Variants in ROBO2 observed in about 807,000 individuals in gnomAD.
ROBO2 encodes roundabout guidance receptor 2.
Under a neutral mutation model 160.8 loss-of-function variants are expected in ROBO2, and 53 were observed. That is an observed-to-expected ratio of 0.33 (90% CI 0.26 to 0.41). The LOEUF (loss-of-function observed/expected upper bound fraction) is 0.41. Among genes scored for constraint, ROBO2 ranks in the 10% least tolerant of loss-of-function variants. The pLI is 1.00. For synonymous variants in ROBO2, 664 were observed against 611.7 expected (o/e 1.09, Z -1.26); for missense variants, 1,577 against 1,722.4 (o/e 0.92, Z 1.49).
At chr3:77,244,468 G>T (rs1308174011) in intron 2 of ROBO2, among the ~76,000 whole-genome samples, 1 of 152,176 alleles carries the variant, frequency 6.6e-6, no homozygotes, top group South Asian at 2.1e-4. Context: ...AATATCATTG[G>T]GTGTGTAATG....
chr3:76,421,678 A>G (rs1455470722), intron 2 of ROBO2, among the ~76,000 whole-genome samples: 1 of 152,050 alleles, frequency 6.6e-6, no homozygotes, highest in African/African-American at 2.4e-5. Context: ...GTAAGCAGAG[A>G]TCGTGCCATT....
At chr3:76,643,965 T>C (rs1482399663) in intron 2 of ROBO2, among the ~76,000 whole-genome samples, 1 of 152,244 alleles carries the variant, frequency 6.6e-6, no homozygotes, top group Admixed American at 6.5e-5. Flanking sequence ...ATGAATTAGA[T>C]GTCCTACCAC....
At chr3:77,307,672 C>T (rs971142422) in intron 2 of ROBO2, among the ~76,000 whole-genome samples, 3 of 152,200 alleles carry the variant, frequency 2.0e-5, no homozygotes, top group Non-Finnish European at 4.4e-5. Context: ...CAATTGAGGT[C>T]AGGAGTTCAA....
intron 2 of ROBO2, among the ~76,000 whole-genome samples, chr3:75,937,875 G>A (rs1343461629): frequency 8.0e-5 from 6 of 75,074 alleles, no homozygotes; most frequent in African/African-American, 3.7e-4. Context: ...ATATATATAT[G>A]AGGTATTATG....
intron 2 of ROBO2, among the ~76,000 whole-genome samples, chr3:76,904,786 T>C (rs980673517): frequency 6.6e-6 from 1 of 152,170 alleles, no homozygotes; most frequent in Non-Finnish European, 1.5e-5. Context: ...GAACATCTTA[T>C]ATTTTGTATT....
At chr3:75,913,310 A>G (rs1436939899) in intron 1 of ROBO2, among the ~76,000 whole-genome samples, 1 of 152,174 alleles carries the variant, frequency 6.6e-6, no homozygotes, top group Non-Finnish European at 1.5e-5. Context: ...TCCTTAACTT[A>G]ATCATATCTA....
At chr3:76,330,332 A>T (rs1004081289) in intron 2 of ROBO2, among the ~76,000 whole-genome samples, 1 of 152,198 alleles carries the variant, frequency 6.6e-6, no homozygotes, top group African/African-American at 2.4e-5. Context: ...CTACATTATG[A>T]TATTTTTGGA....
At chr3:77,043,626 A>G (rs2064319197) in intron 1 of ROBO2, among the ~76,000 whole-genome samples, 1 of 152,172 alleles carries the variant, frequency 6.6e-6, no homozygotes, top group East Asian at 1.9e-4. Context: ...GTATGATCAT[A>G]TAGGAGAATG....
chr3:76,825,694 C>T (rs953851993), intron 2 of ROBO2, among the ~76,000 whole-genome samples: 2 of 148,048 alleles, frequency 1.4e-5, no homozygotes, highest in Admixed American at 6.8e-5. Context: ...GGATTTCCTG[C>T]GACCATCTCC....
chr3:76,107,795 T>C (rs1276272035), intron 2 of ROBO2, among the ~76,000 whole-genome samples: 1 of 152,246 alleles, frequency 6.6e-6, no homozygotes, highest in African/African-American at 2.4e-5. Flanking sequence ...GTTTCCTCTT[T>C]ATATTTTTCT....
intron 2 of ROBO2, among the ~76,000 whole-genome samples, chr3:76,598,196 C>A (rs1304373564): frequency 6.6e-6 from 1 of 151,126 alleles, no homozygotes; most frequent in Non-Finnish European, 1.5e-5. Context: ...CTGCAAAATT[C>A]CATTTATATA....
In ROBO2 at chr3:77,320,156, G is replaced by C. The variant is rs772409936; in HGVS notation, c.389-157258G>C. ...ACCATTCATGAAATAGATTTCTAAA[G>C]GCTTATGTGGGGATCATTTTCTTTC... On this transcript the variant is annotated intron_variant, in intron 2 of 25. Transcript: ENST00000461745. Among the ~76,000 whole-genome samples the C allele has an allele frequency of 2.6e-5, 4 of 152,214 alleles. No homozygotes were observed. The South Asian group carries it at 8.3e-4, about 32-fold the overall frequency.
At chr3:77,295,369 A>T (rs1259214331) in intron 2 of ROBO2, among the ~76,000 whole-genome samples, 1 of 150,566 alleles carries the variant, frequency 6.6e-6, no homozygotes, top group Non-Finnish European at 1.5e-5. Flanking sequence ...TGATGGTTAA[A>T]TGGGTAAGCT....
intron 1 of ROBO2, among the ~76,000 whole-genome samples, chr3:77,079,645 C>G (rs1054106449): frequency 6.6e-6 from 1 of 151,966 alleles, no homozygotes; most frequent in African/African-American, 2.4e-5. Flanking sequence ...GTTCTTAGTC[C>G]CTTCTTTATT....
intron 2 of ROBO2, among the ~76,000 whole-genome samples, chr3:76,096,533 AT>A (rs1025041274): frequency 6.6e-6 from 1 of 152,122 alleles, no homozygotes; most frequent in African/African-American, 2.4e-5. Context: ...TTGAGTGTTT[AT>A]TTTTTTATGT....
At chr3:75,976,650 G>T (rs1449482580) in intron 2 of ROBO2, among the ~76,000 whole-genome samples, 1 of 151,380 alleles carries the variant, frequency 6.6e-6, no homozygotes, top group Non-Finnish European at 1.5e-5. Context: ...ATTTTTCATT[G>T]TCACAAAGAA....
At chr3:76,619,719 T>G (rs1046485359) in intron 2 of ROBO2, among the ~76,000 whole-genome samples, 1 of 152,204 alleles carries the variant, frequency 6.6e-6, no homozygotes, top group Non-Finnish European at 1.5e-5. Flanking sequence ...GGAGGATAGA[T>G]TCATAACATC....
At chr3:77,563,487 A>G (rs2093392012) in intron 11 of ROBO2, among the ~76,000 whole-genome samples, 158 bp downstream of exon 12, 1 of 152,134 alleles carries the variant, frequency 6.6e-6, no homozygotes, top group East Asian at 1.9e-4. Context: ...AACAGAGTTA[A>G]TTTTTTTTAG....
At chr3:77,325,902 T>A (rs981127411) in intron 2 of ROBO2, among the ~76,000 whole-genome samples, 11 of 152,310 alleles carry the variant, frequency 7.2e-5, no homozygotes, top group African/African-American at 2.4e-4. Context: ...GCAAACAATC[T>A]GGTTCCAAGA....
Sources: gnomAD v4.1 joint callset for allele counts (sites outside exome capture counted in the v4.1 genomes callset) on GRCh38, gnomAD v4.1.1 for gene constraint, MANE v1.5 for transcripts, NCBI Gene and HGNC (gene_info 2026-07-23, HGNC 2026-07-21) for gene names.